The following USP33 variants were observed in gnomAD, a reference collection of about 807,000 sequenced individuals.
The protein encoded by USP33 is ubiquitin carboxyl-terminal hydrolase 33.
USP33 carries 46 observed loss-of-function variants against 124.2 expected under a neutral mutation model. The observed-to-expected ratio is 0.37, with a 90% CI of 0.29 to 0.47. The LOEUF (loss-of-function observed/expected upper bound fraction) is 0.47. Ranked by LOEUF, USP33 falls within the 20% of genes least tolerant of loss-of-function variation. The pLI, the probability that USP33 is intolerant of heterozygous loss-of-function variation, is 0.99. For synonymous variants in USP33, 350 were observed against 352.3 expected, an observed-to-expected ratio of 0.99 and a Z score of 0.07; for missense variants, 851 against 1,070.6, an observed-to-expected ratio of 0.79 and a Z score of 2.86.
intron 7 of USP33, among the ~76,000 whole-genome samples, chr1:77,733,684 T>C (rs1678104727): frequency 6.6e-6 from 1 of 152,226 alleles, no homozygotes; most frequent in South Asian, 2.1e-4. Context: ...TATTGGATTT[T>C]TGGATAAGGA....
At chr1:77,702,939 G>A (rs1043499399) in intron 21 of USP33, among the ~76,000 whole-genome samples, 1 of 152,026 alleles carries the variant, frequency 6.6e-6, no homozygotes, top group African/African-American at 2.4e-5. Context: ...GTGTAGTAGT[G>A]TGTAAGTAAT....
chr1:77,734,456 T>C (rs1283560577), intron 6 of USP33, 40 bp from the exon 7 acceptor site: 6 of 1,329,466 alleles, frequency 4.5e-6, no homozygotes, highest in Admixed American at 2.3e-5. Context: ...CATTCAATAA[T>C]GCAAAATGAC....
At position 77,697,186 on chromosome 1, in the gene USP33, A is replaced by C. The variant is rs766205869; in HGVS notation, c.*131T>G. 9.2e-6 allele frequency: 8 copies of C among 870,674 alleles called. No individual in the cohort carries two copies. Among genetic ancestry groups the C allele is most frequent in the African/African-American group, 1.7e-5 (1 of 58,446 alleles). The allele number at this position is 870,674 out of a possible 1,614,324, so 53.9% of individuals were successfully genotyped here. On this transcript the variant is annotated 3_prime_UTR_variant, in exon 24 of 24. Coordinates refer to ENST00000370794, the MANE Select transcript of USP33 (RefSeq NM_201624.3). ...ATATATTCTTCCATAATGCCCACTA[A>C]GAAGAAATAAATGGGATAAATGATG... is the stretch of plus-strand genomic sequence containing the variant.
chr1:77,720,227 G>T, intron 15 of USP33: 1 of 339,488 alleles, frequency 2.9e-6, no homozygotes, highest in Non-Finnish European at 3.9e-6. Flanking sequence ...AAAAGATAAA[G>T]GATGGTTATT....
At chr1:77,713,512 G>A (rs1675507283) in intron 19 of USP33, 3 of 357,240 alleles carry the variant, frequency 8.4e-6, no homozygotes, top group South Asian at 7.7e-5. Flanking sequence ...AGCGTCCTGA[G>A]TAGCTGGGAC....
chr1:77,743,227 G>A (rs936392568), intron 1 of USP33, among the ~76,000 whole-genome samples: 2 of 152,142 alleles, frequency 1.3e-5, no homozygotes, highest in African/African-American at 4.8e-5. Flanking sequence ...TTACAGGTGT[G>A]AGCCACTGCG....
intron 21 of USP33, among the ~76,000 whole-genome samples, chr1:77,705,135 G>GC (rs921487868): frequency 4.8e-5 from 7 of 146,012 alleles, no homozygotes; most frequent in Admixed American, 2.0e-4. Context: ...AAAGGGGGGG[G>GC]GCTGAATAAA....
intron 7 of USP33, among the ~76,000 whole-genome samples, chr1:77,731,708 T>C (rs903331561): frequency 1.3e-5 from 2 of 152,136 alleles, no homozygotes; most frequent in East Asian, 3.9e-4. Flanking sequence ...TCTTTTTCAA[T>C]GAAATCAGAG....
Position 77,759,675 on chromosome 1 carries a change from C to T in USP33, c.-84G>A. The T allele has an allele frequency of 2.5e-6, 1 of 399,170 alleles. No individual in the cohort carries two copies. The highest frequency in any genetic ancestry group is 2.1e-5 in the African/African-American group (1 of 48,778). 24.7% of individuals were successfully genotyped at this position (399,170 alleles called of 1,614,324 possible). On this transcript the variant is annotated 5_prime_UTR_variant, in exon 1 of 24. Coordinates refer to ENST00000370794, the MANE Select transcript of USP33 (RefSeq NM_201624.3). ...GCCTGGCCCGCGGGACCCGCCAGCT[C>T]GACCAACAACGGCCTGCAGCCGCAC...
chr1:77,739,466 C>A, intron 4 of USP33, 49 bp from the exon 5 acceptor site: 2 of 1,489,560 alleles, frequency 1.3e-6, no homozygotes, highest in Non-Finnish European at 1.8e-6. Flanking sequence ...ATTACATATA[C>A]TTGAAAAGAC....
At chr1:77,710,102 C>T (rs1675083811) in intron 21 of USP33, among the ~76,000 whole-genome samples, 1 of 152,182 alleles carries the variant, frequency 6.6e-6, no homozygotes, top group Non-Finnish European at 1.5e-5. Flanking sequence ...TCGCTCACTG[C>T]CACTACCACC....
intron 1 of USP33, among the ~76,000 whole-genome samples, chr1:77,747,687 TTC>T (rs1679882676): frequency 6.6e-6 from 1 of 152,208 alleles, no homozygotes; most frequent in South Asian, 2.1e-4. Context: ...TTGTAATAGC[TTC>T]TGAGTTTCTT....
chr1:77,756,979 T>C (rs1174694495), intron 1 of USP33, among the ~76,000 whole-genome samples: 1 of 152,272 alleles, frequency 6.6e-6, no homozygotes, highest in Non-Finnish European at 1.5e-5. Context: ...AAGTCTTTCA[T>C]AATTTGTCTT....
rs372587555 is a variant in USP33, at chr1:77,728,664, A to G, written c.766T>C (p.Leu256=). Residue 256 remains leucine, a synonymous_variant, in exon 10 of 24, where the codon TTG becomes CTG. Coordinates refer to ENST00000370794, the MANE Select transcript of USP33 (RefSeq NM_201624.3). ...TCTACTTCCATGACTTGCTCTTTCA[A>G]TTCTTCATGAAGCAAATCCATTAAA... The part of the protein sequence containing the change: ...RCLMDLLHEE[L]KEQVMEVEED... 12 of 1,613,736 alleles carry G rather than the reference A, an allele frequency of 7.4e-6. No individual in the cohort carries two copies. In the African/African-American group the frequency reaches 1.3e-4, roughly 18 times the overall value.
rs546971512 is a variant in USP33, at chr1:77,735,195, T to C, written c.455-779A>G. The stretch of plus-strand genomic sequence containing the variant: ...GGAAACTGCTGACAATCTACAAAAA[T>C]GGCAATTTCATATGGTTCAAGCTAA... On this transcript the variant is annotated intron_variant, in intron 6 of 23. Coordinates refer to ENST00000370794, the MANE Select transcript of USP33 (RefSeq NM_201624.3). Among the ~76,000 whole-genome samples, 509 of 152,128 alleles carry C rather than the reference T, an allele frequency of 3.3e-3. 3 individuals carry two copies. The highest frequency in any genetic ancestry group is 6.8e-3 in the Middle Eastern group (2 of 294).
intron 5 of USP33, among the ~76,000 whole-genome samples, chr1:77,738,113 A>G (rs1269186032): frequency 6.6e-6 from 1 of 152,252 alleles, no homozygotes. Context: ...GAAACTGAAA[A>G]TGCAAGAAAT....
In USP33 at chr1:77,714,627, A is replaced by C; in HGVS notation, c.2202T>G (p.Leu734=). 6.2e-7 allele frequency: 1 copy of C among 1,612,934 alleles called. No individual in the cohort carries two copies. Among genetic ancestry groups the C allele is most frequent in the Non-Finnish European group, 8.5e-7 (1 of 1,179,836 alleles). The change falls in exon 19 of 24, where the codon CTT becomes CTG. Residue 734 remains leucine, a synonymous_variant. Transcript: ENST00000370794. ...EPGPISNNDF[L]CIHGGVPPRK... ...AGGAGTTCTTACCTCCATGAATACA[A>C]AGAAAGTCATTATTTGAAATAGGGC...
chr1:77,737,575 T>C (rs1024047922), intron 5 of USP33, among the ~76,000 whole-genome samples: 4 of 152,234 alleles, frequency 2.6e-5, no homozygotes, highest in African/African-American at 9.6e-5. Flanking sequence ...TAAAGAAATC[T>C]ATCTGAACCA....
In USP33 at chr1:77,736,173, A is replaced by G; in HGVS notation, c.352-15T>C. 1 of 1,551,596 alleles carries G rather than the reference A, an allele frequency of 6.4e-7. No individual in the cohort carries two copies. Among genetic ancestry groups the G allele is most frequent in the African/African-American group, 1.4e-5 (1 of 73,214 alleles). On this transcript the variant is annotated splice_polypyrimidine_tract_variant and intron_variant, in intron 5 of 23. Coordinates refer to ENST00000370794, the MANE Select transcript of USP33 (RefSeq NM_201624.3). ...ATTTTAAAATCCTTGATAACAAAAA[A>G]AGATAGCACACTTGAACAAATCCTT...
Sources: allele counts gnomAD v4.1 joint callset (sites outside exome capture counted in the v4.1 genomes callset), GRCh38; gene constraint gnomAD v4.1.1; transcripts MANE v1.5; gene names NCBI Gene and HGNC (gene_info 2026-07-23, HGNC 2026-07-21).